MED12L: variants seen among roughly 807,000 people sequenced by gnomAD.
The protein encoded by MED12L is mediator complex subunit 12L.
Under a neutral mutation model 281.3 loss-of-function variants are expected in MED12L, and 60 were observed. The observed-to-expected ratio is 0.21, with a 90% confidence interval of 0.17 to 0.26. The LOEUF is 0.26. Among genes scored for constraint, MED12L ranks in the 10% least tolerant of loss-of-function variants. The pLI is 1.00. For synonymous variants in MED12L, 974 were observed against 987.2 expected (o/e 0.99, Z 0.25); for missense variants, 2,146 against 2,680.9 (o/e 0.80, Z 4.41).
intron 5 of MED12L, among the ~76,000 whole-genome samples, chr3:151,147,766 G>A (rs925951634): frequency 6.6e-6 from 1 of 152,112 alleles, no homozygotes; most frequent in Non-Finnish European, 1.5e-5. Flanking sequence ...ATCAGCTGAC[G>A]GATATTGGAT....
chr3:151,299,787 T>C (rs1560000383), intron 16 of MED12L, among the ~76,000 whole-genome samples: 1 of 152,150 alleles, frequency 6.6e-6, no homozygotes, highest in Non-Finnish European at 1.5e-5. Flanking sequence ...TAGTTTGTGT[T>C]TAAAATCTTC....
intron 16 of MED12L, among the ~76,000 whole-genome samples, chr3:151,309,334 G>A (rs1310862116): frequency 6.6e-6 from 1 of 152,074 alleles, no homozygotes; most frequent in Non-Finnish European, 1.5e-5. Context: ...CTGTATATTT[G>A]TATTATCTTA....
intron 21 of MED12L, among the ~76,000 whole-genome samples, chr3:151,361,087 T>C (rs1560076132): frequency 6.6e-6 from 1 of 152,152 alleles, no homozygotes; most frequent in Non-Finnish European, 1.5e-5. Context: ...TATCTACCTT[T>C]TCTGAGCTGA....
At chr3:151,176,199 A>G (rs1722025855) in intron 11 of MED12L, among the ~76,000 whole-genome samples, 2 of 152,142 alleles carry the variant, frequency 1.3e-5, no homozygotes, top group Non-Finnish European at 2.9e-5. Flanking sequence ...GAGACATTTG[A>G]CAGTTATTTA....
intron 40 of MED12L, among the ~76,000 whole-genome samples, chr3:151,409,783 T>C (rs1308109284): frequency 2.0e-5 from 3 of 152,036 alleles, no homozygotes; most frequent in Non-Finnish European, 4.4e-5. Flanking sequence ...ATAGTGAGAC[T>C]CAGTCTCTAC....
intron 4 of MED12L, among the ~76,000 whole-genome samples, chr3:151,124,390 C>G (rs1380607049): frequency 6.6e-6 from 1 of 152,162 alleles, no homozygotes; most frequent in Non-Finnish European, 1.5e-5. Flanking sequence ...TCTTTGCAAA[C>G]TTGAAGATGG....
intron 26 of MED12L, among the ~76,000 whole-genome samples, chr3:151,370,400 A>G (rs554589286): frequency 1.3e-5 from 2 of 152,172 alleles, no homozygotes; most frequent in South Asian, 4.1e-4. Flanking sequence ...GTTTTGGGCT[A>G]TAATCTTGCT....
rs1755922335 is a variant in MED12L, at chr3:151,369,521, T to C, written c.3636T>C (p.Phe1212=). ...AHNSIEVGAV[F]AVLKAIMMLG... is the part of the protein sequence containing the mutation. ...ACAGCATTGAAGTGGGAGCCGTGTTTGCTGTCTTAAAAGCAATTATGATGC... is the reference window on the plus strand; with the variant it reads ...ACAGCATTGAAGTGGGAGCCGTGTTCGCTGTCTTAAAAGCAATTATGATGC... Residue 1212 remains phenylalanine, a synonymous_variant, in exon 26 of 45, where the codon TTT becomes TTC. Coordinates refer to ENST00000687756, the MANE Select transcript of MED12L (RefSeq NM_001393769.1). 6 of 1,611,534 alleles carry C rather than the reference T, an allele frequency of 3.7e-6. No homozygotes were observed. Among genetic ancestry groups the C allele is most frequent in the Non-Finnish European group, 5.1e-6 (6 of 1,178,308 alleles).
intron 11 of MED12L, among the ~76,000 whole-genome samples, chr3:151,182,823 G>C (rs573596234): frequency 6.6e-6 from 1 of 152,152 alleles, no homozygotes; most frequent in Non-Finnish European, 1.5e-5. Flanking sequence ...CCCAGGGAGC[G>C]GATGGGTTTT....
chr3:151,206,264 G>GT (rs975296764), intron 16 of MED12L, among the ~76,000 whole-genome samples: 16 of 149,246 alleles, frequency 1.1e-4, no homozygotes, highest in African/African-American at 1.5e-4. Flanking sequence ...ATTCTGCCTT[G>GT]TTTTTTTTTC....
intron 16 of MED12L, among the ~76,000 whole-genome samples, chr3:151,195,699 A>G (rs1464302811): frequency 6.6e-6 from 1 of 152,202 alleles, no homozygotes; most frequent in Non-Finnish European, 1.5e-5. Flanking sequence ...TTCTGGGTAA[A>G]AAAGGGAGAC....
At chr3:151,304,381 G>A (rs912931848) in intron 16 of MED12L, among the ~76,000 whole-genome samples, 4 of 151,970 alleles carry the variant, frequency 2.6e-5, no homozygotes, top group Non-Finnish European at 4.4e-5. Flanking sequence ...CGAGACCAGC[G>A]TGGCCAACAT....
chr3:151,128,075 G>A, intron 5 of MED12L, 91 bp downstream of exon 5: 1 of 1,171,978 alleles, frequency 8.5e-7, no homozygotes, highest in South Asian at 1.4e-5. Flanking sequence ...CCAGCATGGT[G>A]AGTGTTGAGA....
At chr3:151,131,243 A>C (rs1446730752) in intron 5 of MED12L, among the ~76,000 whole-genome samples, 1 of 152,240 alleles carries the variant, frequency 6.6e-6, no homozygotes, top group African/African-American at 2.4e-5. Context: ...CGACTGCTAC[A>C]AAAATGCAAA....
Position 151,357,196 on chromosome 3 carries a change from C to A in MED12L, c.2662-17C>A, listed in dbSNP as rs1372601321. 6.4e-7 allele frequency: 1 copy of A among 1,571,174 alleles called. No individual in the cohort carries two copies. On this transcript the variant is annotated splice_polypyrimidine_tract_variant and intron_variant, in intron 19 of 44. Transcript: ENST00000687756. The stretch of plus-strand genomic sequence containing the variant: ...TTTGGCACCTACATGTTTATTCAGT[C>A]TTTTCTCCTGTTACAGTTACTAAAT...
chr3:151,144,502 C>A (rs960722373), intron 5 of MED12L, among the ~76,000 whole-genome samples: 2 of 152,168 alleles, frequency 1.3e-5, no homozygotes, highest in Admixed American at 6.5e-5. Context: ...CGACCCCTCT[C>A]CCCTATTTTT....
At chr3:151,360,081 A>C (rs1258691492) in intron 20 of MED12L, among the ~76,000 whole-genome samples, 1 of 152,182 alleles carries the variant, frequency 6.6e-6, no homozygotes, top group East Asian at 1.9e-4. Flanking sequence ...TTGCTCCTTT[A>C]CAAAGGAGAA....
intron 16 of MED12L, chr3:151,336,389 G>A (rs1012074391): frequency 1.3e-5 from 5 of 392,718 alleles, no homozygotes; most frequent in Admixed American, 1.3e-4. Context: ...GTTCAGCTTC[G>A]TAATGAAATA....
intron 2 of MED12L, among the ~76,000 whole-genome samples, chr3:151,091,510 AG>A (rs1298289926): frequency 6.6e-6 from 1 of 152,224 alleles, no homozygotes; most frequent in Non-Finnish European, 1.5e-5. Context: ...CCAGTTCTGC[AG>A]GGGCTAGAGC....
Sources: gnomAD v4.1 joint callset for allele counts (sites outside exome capture counted in the v4.1 genomes callset) on GRCh38, gnomAD v4.1.1 for gene constraint, MANE v1.5 for transcripts, NCBI Gene and HGNC (gene_info 2026-07-23, HGNC 2026-07-21) for gene names.